The following GALNT18 variants were observed in gnomAD, a reference collection of about 807,000 sequenced individuals.
GALNT18 encodes the protein GalNAc-transferase 18.
In GALNT18, 44 loss-of-function variants were observed where a neutral mutation model predicts 69.5. That is an observed-to-expected ratio of 0.63 (90% CI 0.50 to 0.81). The LOEUF (loss-of-function observed/expected upper bound fraction) is 0.81. Ranked by LOEUF, GALNT18 falls within the 40% of genes least tolerant of loss-of-function variation. The probability of loss-of-function intolerance (pLI) is 0.00; values close to 1 mark genes in which losing one functional copy is unlikely to be tolerated. For synonymous variants in GALNT18, 364 were observed against 318.2 expected, an observed-to-expected ratio of 1.14 and a Z score of -1.53; for missense variants, 715 against 810.0, an observed-to-expected ratio of 0.88 and a Z score of 1.42.
chr11:11,608,365 T>C (rs75654565), intron 1 of GALNT18, among the ~76,000 whole-genome samples: 17,237 of 151,798 alleles, frequency 0.11, 1,365 homozygotes, highest in Admixed American at 0.21. Context: ...TTTTTGTTTT[T>C]TGGTTTTTTT....
In GALNT18 at chr11:11,377,127, G is replaced by A. The variant is rs768921718; in HGVS notation, c.977+55C>T. On this transcript the variant is annotated intron_variant, in intron 5 of 10. Coordinates refer to ENST00000227756, the MANE Select transcript of GALNT18 (RefSeq NM_198516.3). The surrounding 1 kb of genome is among the most constrained non-coding windows in gnomAD (Gnocchi z 4.6). ...GAGAATAAGCATTGGACCAGTAGGCGGTCCCTAGCCTGGAGGTCAAAGCGG... is the reference window on the plus strand; with the variant it reads ...GAGAATAAGCATTGGACCAGTAGGCAGTCCCTAGCCTGGAGGTCAAAGCGG... The A allele has an allele frequency of 8.5e-6, 13 of 1,533,420 alleles. No individual in the cohort carries two copies. Among genetic ancestry groups the A allele is most frequent in the East Asian group, 6.8e-5 (3 of 44,332 alleles). The allele number at this position is 1,533,420 out of a possible 1,614,324, so 95.0% of individuals were successfully genotyped here.
intron 9 of GALNT18, among the ~76,000 whole-genome samples, chr11:11,302,941 C>T (rs926666419): frequency 6.6e-6 from 1 of 152,212 alleles, no homozygotes; most frequent in African/African-American, 2.4e-5. Flanking sequence ...GACAATCCCC[C>T]TCGGGGCTCA....
intron 1 of GALNT18, among the ~76,000 whole-genome samples, chr11:11,456,094 A>G (rs1855918441): frequency 1.3e-5 from 2 of 152,046 alleles, no homozygotes; most frequent in Non-Finnish European, 2.9e-5. Flanking sequence ...AAAGAAACAA[A>G]CCACAGAGTG....
At position 11,421,673 on chromosome 11, in the gene GALNT18, A is replaced by G. The variant is rs1397134852; in HGVS notation, c.595+10948T>C. On this transcript the variant is annotated intron_variant, in intron 3 of 10. Coordinates refer to ENST00000227756, the MANE Select transcript of GALNT18 (RefSeq NM_198516.3). This position sits in a 1 kb window ranked among gnomAD's most constrained non-coding sequence, Gnocchi z 5.6. ...GCTGGCCAGCAGGTACAGGGAAGTC[A>G]TCCCAGGCTGCTGCACTGCTGTTAA... Among the ~76,000 whole-genome samples the G allele has an allele frequency of 1.3e-5, 2 of 152,138 alleles. No homozygotes were observed. The highest frequency in any genetic ancestry group is 2.4e-5 in the African/African-American group (1 of 41,394).
chr11:11,390,557 T>G (rs911725441), intron 3 of GALNT18, among the ~76,000 whole-genome samples: 34 of 152,322 alleles, frequency 2.2e-4, no homozygotes, highest in African/African-American at 7.2e-4. Flanking sequence ...AAATCACTGC[T>G]GCTCAGGCTG....
rs536006577 is a variant in GALNT18, at chr11:11,605,012, T to C, written c.235+16347A>G. On this transcript the variant is annotated intron_variant, in intron 1 of 10. Coordinates refer to ENST00000227756, the MANE Select transcript of GALNT18 (RefSeq NM_198516.3). The surrounding 1 kb of genome is among the most constrained non-coding windows in gnomAD (Gnocchi z 4.7). ...TTCAATTTTTCCCCTATGTCTACTA[T>C]GCCCTCTTCCACGCTACTGCCTAAA... is the stretch of plus-strand genomic sequence containing the variant. Among the ~76,000 whole-genome samples the C allele has an allele frequency of 6.6e-6, 1 of 152,338 alleles. No individual in the cohort carries two copies. The highest frequency in any genetic ancestry group is 2.1e-4 in the South Asian group (1 of 4,830).
rs1406657640 is a variant in GALNT18 at position 11,436,900 on chromosome 11, C to T, written c.429-4113G>A. On this transcript the variant is annotated intron_variant, in intron 2 of 10. Transcript: ENST00000227756. The surrounding 1 kb of genome is among the most constrained non-coding windows in gnomAD (Gnocchi z 4.5). The stretch of plus-strand genomic sequence containing the variant: ...AAGCCCAGAGCTTTTGCTGCAGAGT[C>T]CAGCCACTTTCTCGGCCTGGCAACC... 2.6e-5 allele frequency among the ~76,000 whole-genome samples: 4 copies of T among 152,190 alleles called. No homozygotes were observed. Among genetic ancestry groups the T allele is most frequent in the Non-Finnish European group, 4.4e-5 (3 of 68,046 alleles).
At chr11:11,566,780 A>G (rs1011240919) in intron 1 of GALNT18, among the ~76,000 whole-genome samples, 3 of 152,350 alleles carry the variant, frequency 2.0e-5, no homozygotes, top group African/African-American at 7.2e-5. Flanking sequence ...AATTCAGAGG[A>G]ACAAAAGGTC....
intron 9 of GALNT18, among the ~76,000 whole-genome samples, chr11:11,306,460 C>G (rs1849581033): frequency 6.6e-6 from 1 of 152,150 alleles, no homozygotes; most frequent in Non-Finnish European, 1.5e-5. Flanking sequence ...ATATAAGTCT[C>G]TCTATTTCAC....
chr11:11,309,459 A>C lies in GALNT18; in HGVS notation c.1513-16266T>G, dbSNP rs1334649754. ...TACCACTCTTTCCTGACCTCTCCCT[A>C]GAAATGCTGCGCCCAATTTTTAATA... On this transcript the variant is annotated intron_variant, in intron 9 of 10. Coordinates refer to ENST00000227756, the MANE Select transcript of GALNT18 (RefSeq NM_198516.3). This position sits in a 1 kb window ranked among gnomAD's most constrained non-coding sequence, Gnocchi z 4.6. Among the ~76,000 whole-genome samples, 2 of 129,452 alleles carry C rather than the reference A, an allele frequency of 1.5e-5. No homozygotes were observed. The highest frequency in any genetic ancestry group is 3.7e-5 in the Non-Finnish European group (2 of 53,678). 84.9% of individuals were successfully genotyped at this position (129,452 alleles called of 152,430 possible). A position where few individuals can be genotyped will look rare whatever the true frequency, so the allele number is the denominator to read the frequency against.
intron 10 of GALNT18, among the ~76,000 whole-genome samples, chr11:11,289,400 T>C (rs1268000217): frequency 6.6e-6 from 1 of 152,224 alleles, no homozygotes; most frequent in African/African-American, 2.4e-5. Flanking sequence ...CCAAAGTGGC[T>C]GAAAACTGCC....
chr11:11,419,619 A>AAAAAAAAAAAAG (rs1554932034), intron 3 of GALNT18, among the ~76,000 whole-genome samples: 14 of 128,452 alleles, frequency 1.1e-4, no homozygotes, highest in African/African-American at 1.7e-4. Flanking sequence ...AAAAAAAAAA[A>AAAAAAAAAAAAG]AAAGAAAGAA....
intron 10 of GALNT18, among the ~76,000 whole-genome samples, chr11:11,271,729 G>A (rs752213359): frequency 9.2e-5 from 14 of 152,194 alleles, no homozygotes; most frequent in Non-Finnish European, 1.5e-4. Flanking sequence ...TGGACCTCTG[G>A]AGTCATCAAT....
At chr11:11,375,198 A>T (rs1182862249) in intron 5 of GALNT18, among the ~76,000 whole-genome samples, 3 of 152,254 alleles carry the variant, frequency 2.0e-5, no homozygotes, top group African/African-American at 4.8e-5. Context: ...CGGATGGGCA[A>T]GATACATTTG....
intron 3 of GALNT18, among the ~76,000 whole-genome samples, chr11:11,380,667 G>T (rs1448379019): frequency 6.6e-6 from 1 of 152,212 alleles, no homozygotes; most frequent in African/African-American, 2.4e-5. Flanking sequence ...CCATCTCTGT[G>T]GATGCGGGTG....
chr11:11,347,075 G>A lies in GALNT18; in HGVS notation c.1093-6071C>T, dbSNP rs1850317200. Among the ~76,000 whole-genome samples the A allele has an allele frequency of 6.6e-6, 1 of 152,184 alleles. No individual in the cohort carries two copies. Among genetic ancestry groups the A allele is most frequent in the Non-Finnish European group, 1.5e-5 (1 of 68,028 alleles). ...CCAGGCTGAGGAGCCACTGGTACAAGGTCAGGGTTACATCTTGTATTGGCC... is the reference window on the plus strand; with the variant it reads ...CCAGGCTGAGGAGCCACTGGTACAAAGTCAGGGTTACATCTTGTATTGGCC... On this transcript the variant is annotated intron_variant, in intron 6 of 10. Coordinates refer to ENST00000227756, the MANE Select transcript of GALNT18 (RefSeq NM_198516.3). The surrounding 1 kb of genome is among the most constrained non-coding windows in gnomAD (Gnocchi z 4.0).
chr11:11,347,656 T>C lies in GALNT18; in HGVS notation c.1093-6652A>G, dbSNP rs1850326817. 6.6e-6 allele frequency among the ~76,000 whole-genome samples: 1 copy of C among 152,228 alleles called. No individual in the cohort carries two copies. The highest frequency in any genetic ancestry group is 1.5e-5 in the Non-Finnish European group (1 of 68,046). On this transcript the variant is annotated intron_variant, in intron 6 of 10. Coordinates refer to ENST00000227756, the MANE Select transcript of GALNT18 (RefSeq NM_198516.3). The surrounding 1 kb of genome is among the most constrained non-coding windows in gnomAD (Gnocchi z 4.0). The stretch of plus-strand genomic sequence containing the variant: ...TTTGCTCTTGGCAAACTGTTCCCAC[T>C]GTTCTCTTAGCCCAGAAAGCCTCCT...
chr11:11,314,941 G>GTT lies in GALNT18; in HGVS notation c.1512+12143_1512+12144dup, dbSNP rs2133033684. Among the ~76,000 whole-genome samples the GTT allele has an allele frequency of 6.6e-6, 1 of 152,244 alleles. No individual in the cohort carries two copies. Among genetic ancestry groups the GTT allele is most frequent in the Non-Finnish European group, 1.5e-5 (1 of 68,024 alleles). On this transcript the variant is annotated intron_variant, in intron 9 of 10. Transcript: ENST00000227756. The surrounding 1 kb of genome is among the most constrained non-coding windows in gnomAD (Gnocchi z 5.2). ...GTGGGGCCTAGGGATATCTTTACAT[G>GTT]TTTGAGCCAAATGAGGATAAGCTGG...
At position 11,492,766 on chromosome 11, in the gene GALNT18, G is replaced by A. The variant is rs549362314; in HGVS notation, c.236-43830C>T. Among the ~76,000 whole-genome samples, 9 of 152,028 alleles carry A rather than the reference G, an allele frequency of 5.9e-5. No individual in the cohort carries two copies. The South Asian group carries it at 1.9e-3, about 32-fold the overall frequency. ...TTTCGGGGGGTGGGGGGCAAGGGGAGGGAGAGTATTAGGACAAATACCTAA... is the reference window on the plus strand; with the variant it reads ...TTTCGGGGGGTGGGGGGCAAGGGGAAGGAGAGTATTAGGACAAATACCTAA... On this transcript the variant is annotated intron_variant, in intron 1 of 10. Coordinates refer to ENST00000227756, the MANE Select transcript of GALNT18 (RefSeq NM_198516.3).
Sources: gnomAD v4.1 joint callset for allele counts (sites outside exome capture counted in the v4.1 genomes callset) on GRCh38, gnomAD v4.1.1 for gene constraint, Gnocchi (gnomAD v3.1) non-coding constraint, MANE v1.5 for transcripts, NCBI Gene and HGNC (gene_info 2026-07-23, HGNC 2026-07-21) for gene names.